MRLN: variants seen among roughly 807,000 people sequenced by gnomAD.
MRLN encodes the protein myoregulin.
chr10:59,741,643 C>CA (rs1840985399), intron 1 of MRLN, among the ~76,000 whole-genome samples: 1 of 152,124 alleles, frequency 6.6e-6, no homozygotes, highest in Non-Finnish European at 1.5e-5. Context: ...CTTAGCCTCC[C>CA]AAAATGCTAG....
chr10:59,749,667 C>A (rs921816863), intron 1 of MRLN, among the ~76,000 whole-genome samples: 6 of 151,620 alleles, frequency 4.0e-5, no homozygotes, highest in Non-Finnish European at 8.8e-5. Context: ...AAACTCCAGC[C>A]TGGGTCTCAA....
rs372944954 is a variant in MRLN, at chr10:59,738,111, A to G, written c.-21+348T>C. Reference sequence around the variant, plus strand: ...GTGTTGTCTACTCCCATTTTGAGCTATCTTGATAATTTCTGTAATAAATTG... The same window carrying G: ...GTGTTGTCTACTCCCATTTTGAGCTGTCTTGATAATTTCTGTAATAAATTG... On this transcript the variant is annotated intron_variant, in intron 2 of 2. Transcript: ENST00000414264. The G allele has an allele frequency of 9.8e-5, 15 of 152,342 alleles. No individual in the cohort carries two copies. In the East Asian group the frequency reaches 1.2e-3, roughly 12 times the overall value. The allele number at this position is 152,342 out of a possible 1,614,324, so 9.4% of individuals were successfully genotyped here.
At chr10:59,746,805 TAC>T (rs1841048382) in intron 1 of MRLN, among the ~76,000 whole-genome samples, 1 of 152,208 alleles carries the variant, frequency 6.6e-6, no homozygotes. Flanking sequence ...TAGCTGAAAG[TAC>T]AGTTTTTTTG....
intron 1 of MRLN, among the ~76,000 whole-genome samples, chr10:59,748,271 G>C (rs1352900104): frequency 6.6e-6 from 1 of 152,042 alleles, no homozygotes; most frequent in Admixed American, 6.5e-5. Context: ...GGGAAAATTT[G>C]GGCATATGCA....
chr10:59,747,682 C>T (rs1841056016), intron 1 of MRLN, among the ~76,000 whole-genome samples: 1 of 152,178 alleles, frequency 6.6e-6, no homozygotes, highest in Non-Finnish European at 1.5e-5. Flanking sequence ...AACATGTTGC[C>T]AGTGACCACA....
intron 1 of MRLN, among the ~76,000 whole-genome samples, chr10:59,749,930 G>T (rs992004843): frequency 2.6e-5 from 4 of 151,850 alleles, no homozygotes; most frequent in African/African-American, 9.7e-5. Context: ...GTGTTGGCTC[G>T]CCTGGCAGCA....
intron 1 of MRLN, among the ~76,000 whole-genome samples, chr10:59,743,820 A>G (rs1841010030): frequency 6.6e-6 from 1 of 151,996 alleles, no homozygotes; most frequent in South Asian, 2.1e-4. Context: ...GCGCGCCGCC[A>G]CGCCTGACTG....
chr10:59,740,870 A>T lies in MRLN; in HGVS notation c.-124-2308T>A, dbSNP rs368494324. On this transcript the variant is annotated intron_variant, in intron 1 of 2. Transcript: ENST00000414264. ...TGGAGTGCAATGGCGCGATCTCAGC[A>T]CACTGCAACCTCTTCCTCCTGGATT... Among the ~76,000 whole-genome samples, 15 of 150,026 alleles carry T rather than the reference A, an allele frequency of 1.0e-4. No individual in the cohort carries two copies. In the East Asian group the frequency reaches 2.4e-3, roughly 24 times the overall value.
rs1840931119 is a variant in MRLN at position 59,736,982 on chromosome 10, GTCAC to G, written c.*74_*77del. 7.8e-6 allele frequency: 3 copies of G among 384,220 alleles called. No individual in the cohort carries two copies. The East Asian group carries it at 1.1e-4, about 14-fold the overall frequency. 23.8% of individuals were successfully genotyped at this position (384,220 alleles called of 1,614,324 possible). ...AAATTGGCAATGTCATAAAATGTGA[GTCAC>G]TCAACAAGTTAAAATACAAATTTTT... On this transcript the variant is annotated 3_prime_UTR_variant, in exon 3 of 3. Transcript: ENST00000414264.
chr10:59,743,680 C>A (rs1016784522), intron 1 of MRLN, among the ~76,000 whole-genome samples: 2 of 152,076 alleles, frequency 1.3e-5, no homozygotes, highest in African/African-American at 4.8e-5. Context: ...CTCCGCCTCC[C>A]CCTCCCTCTT....
intron 1 of MRLN, among the ~76,000 whole-genome samples, chr10:59,751,807 C>G (rs750580077): frequency 3.0e-4 from 45 of 151,768 alleles, no homozygotes; most frequent in Non-Finnish European, 5.4e-4. Flanking sequence ...CATATTTGCA[C>G]AATTAAAGTT....
intron 1 of MRLN, among the ~76,000 whole-genome samples, chr10:59,745,654 G>T (rs1051142507): frequency 6.7e-6 from 1 of 149,328 alleles, no homozygotes; most frequent in Non-Finnish European, 1.5e-5. Flanking sequence ...ATTGTATCAA[G>T]ATTCAGGTCC....
chr10:59,737,690 C>G (rs7087833), intron 2 of MRLN, among the ~76,000 whole-genome samples: 1 of 151,196 alleles, frequency 6.6e-6, no homozygotes, highest in Non-Finnish European at 1.5e-5. Flanking sequence ...TCCTCAAGAT[C>G]CTGTCTGTCA....
At chr10:59,744,978 C>T (rs564179632) in intron 1 of MRLN, 1 of 178,554 alleles carries the variant, frequency 5.6e-6, no homozygotes, top group Non-Finnish European at 1.1e-5. Flanking sequence ...CGGCCGAAGG[C>T]AGCAGGGCCC....
At chr10:59,749,564 C>T (rs1251667299) in intron 1 of MRLN, among the ~76,000 whole-genome samples, 1 of 151,990 alleles carries the variant, frequency 6.6e-6, no homozygotes, top group Admixed American at 6.6e-5. Flanking sequence ...CGTGGTGGTT[C>T]GCACCTGTAG....
chr10:59,741,540 G>T (rs942552061), intron 1 of MRLN, among the ~76,000 whole-genome samples: 10 of 152,020 alleles, frequency 6.6e-5, no homozygotes, highest in Non-Finnish European at 1.0e-4. Flanking sequence ...GTGCCACCAT[G>T]CCTAGCTAAT....
chr10:59,740,456 G>A lies in MRLN; in HGVS notation c.-124-1894C>T, dbSNP rs755563571. Among the ~76,000 whole-genome samples the A allele has an allele frequency of 3.9e-5, 6 of 152,260 alleles. No homozygotes were observed. In the South Asian group the frequency reaches 1.0e-3, roughly 26 times the overall value. ...CACAGGAGATGACAGCTCCATGCAT[G>A]CTATTGTCCCTGAAGACCTTCCAGT... On this transcript the variant is annotated intron_variant, in intron 1 of 2. Transcript: ENST00000414264.
intron 1 of MRLN, among the ~76,000 whole-genome samples, chr10:59,747,916 A>T (rs2132594035): frequency 6.6e-6 from 1 of 152,352 alleles, no homozygotes; most frequent in East Asian, 1.9e-4. Flanking sequence ...ATACATAATA[A>T]GTCTACTTCT....
chr10:59,741,347 A>C (rs1011117135), intron 1 of MRLN, among the ~76,000 whole-genome samples: 1 of 152,006 alleles, frequency 6.6e-6, no homozygotes, highest in Non-Finnish European at 1.5e-5. Context: ...TTTTTACTGT[A>C]CATTTTTTAT....
Sources: gnomAD v4.1 joint callset for allele counts (sites outside exome capture counted in the v4.1 genomes callset) on GRCh38, gnomAD v4.1.1 for gene constraint, MANE v1.5 for transcripts, NCBI Gene and HGNC (gene_info 2026-07-23, HGNC 2026-07-21) for gene names.